The following TMEM117 variants were observed in gnomAD, a reference collection of about 807,000 sequenced individuals.
TMEM117 encodes transmembrane protein 117.
A neutral mutation model predicts 52.4 loss-of-function variants in TMEM117; 27 were observed. The ratio of observed to expected loss-of-function variants is 0.51; its 90% confidence interval spans 0.38 to 0.71. The LOEUF (loss-of-function observed/expected upper bound fraction) is 0.71, where lower values mean the gene tolerates loss of function less well. TMEM117 is among the 30% of genes least tolerant of loss of function. TMEM117 has a pLI of 0.00. For synonymous variants in TMEM117, 215 were observed against 206.3 expected, an observed-to-expected ratio of 1.04 and a Z score of -0.36; for missense variants, 556 against 630.5, an observed-to-expected ratio of 0.88 and a Z score of 1.26.
At chr12:44,209,638 A>G (rs1256074031) in intron 4 of TMEM117, among the ~76,000 whole-genome samples, 1 of 152,276 alleles carries the variant, frequency 6.6e-6, no homozygotes. Context: ...TGTAGGCCCT[A>G]TGTTAGATAG....
chr12:44,107,911 T>G (rs1374403394), intron 3 of TMEM117, among the ~76,000 whole-genome samples: 1 of 152,204 alleles, frequency 6.6e-6, no homozygotes, highest in South Asian at 2.1e-4. Context: ...TGTCCTGCAC[T>G]GAACCAATTG....
At chr12:43,898,651 G>A (rs1944253536) in intron 2 of TMEM117, among the ~76,000 whole-genome samples, 1 of 152,120 alleles carries the variant, frequency 6.6e-6, no homozygotes, top group African/African-American at 2.4e-5. Context: ...CCCCTGCACA[G>A]TTTTCCATGG....
intron 4 of TMEM117, among the ~76,000 whole-genome samples, chr12:44,163,652 A>G (rs1018989692): frequency 6.6e-6 from 1 of 152,194 alleles, no homozygotes; most frequent in East Asian, 1.9e-4. Context: ...TACAGCCAGA[A>G]TGATGATTGG....
At chr12:44,340,121 C>G (rs181173657) in intron 6 of TMEM117, among the ~76,000 whole-genome samples, 1 of 152,038 alleles carries the variant, frequency 6.6e-6, no homozygotes, top group Non-Finnish European at 1.5e-5. Flanking sequence ...TATTTTACAT[C>G]AGTCAGGGAA....
chr12:44,082,135 AC>A (rs1437560421), intron 3 of TMEM117, among the ~76,000 whole-genome samples: 14 of 152,002 alleles, frequency 9.2e-5, no homozygotes, highest in African/African-American at 2.7e-4. Flanking sequence ...TGACATTGAC[AC>A]CATATTAATT....
At chr12:44,238,059 T>C (rs1326040739) in intron 5 of TMEM117, among the ~76,000 whole-genome samples, 3 of 152,208 alleles carry the variant, frequency 2.0e-5, no homozygotes, top group Non-Finnish European at 2.9e-5. Flanking sequence ...AAAGTAATTC[T>C]TTCTTACATA....
intron 3 of TMEM117, among the ~76,000 whole-genome samples, chr12:44,130,137 A>G (rs1469312918): frequency 1.3e-5 from 2 of 152,190 alleles, no homozygotes; most frequent in South Asian, 2.1e-4. Flanking sequence ...ACTTTGTTAT[A>G]CTAATTGGTT....
chr12:43,973,535 T>A (rs1945625514), intron 3 of TMEM117, among the ~76,000 whole-genome samples: 2 of 152,148 alleles, frequency 1.3e-5, no homozygotes, highest in South Asian at 4.1e-4. Flanking sequence ...AACCAAGAAG[T>A]CTTAATTAGG....
intron 3 of TMEM117, among the ~76,000 whole-genome samples, chr12:44,105,954 T>C (rs1231668623): frequency 6.6e-6 from 1 of 152,030 alleles, no homozygotes; most frequent in Non-Finnish European, 1.5e-5. Flanking sequence ...TAAATTTCGG[T>C]ACCTTTCTAT....
rs184663928 is a variant in TMEM117, at chr12:44,036,989, G to C, written c.410+92647G>C. ...TTGATCTTTCATATTGATGGCAGCAGCGGCCCACCTGGAGTGACCGCTGCA... is the reference window on the plus strand; with the variant it reads ...TTGATCTTTCATATTGATGGCAGCACCGGCCCACCTGGAGTGACCGCTGCA... On this transcript the variant is annotated intron_variant, in intron 3 of 7. Transcript: ENST00000266534. Among the ~76,000 whole-genome samples the C allele has an allele frequency of 3.0e-3, 458 of 152,290 alleles. 4 individuals carry two copies. The highest frequency in any genetic ancestry group is 0.01 in the African/African-American group (417 of 41,546).
chr12:44,374,993 T>C (rs1185894409), intron 6 of TMEM117, among the ~76,000 whole-genome samples: 1 of 152,152 alleles, frequency 6.6e-6, no homozygotes, highest in Non-Finnish European at 1.5e-5. Context: ...TTTAGCAAAA[T>C]ACTAAATTCA....
chr12:44,233,988 T>C lies in TMEM117; in HGVS notation c.608+22601T>C, dbSNP rs897690472. On this transcript the variant is annotated intron_variant, in intron 5 of 7. Transcript: ENST00000266534. ...TAGTAATCTTGCATCTTACTCTCCA[T>C]ATATTGCTAGATTCAATTGCCAATA... 3.3e-5 allele frequency among the ~76,000 whole-genome samples: 5 copies of C among 151,552 alleles called. No homozygotes were observed. The South Asian group carries it at 1.0e-3, about 31-fold the overall frequency.
the TMEM117 span, among the ~76,000 whole-genome samples, chr12:43,798,044 T>C: frequency 5.9e-5 from 9 of 152,244 alleles, no homozygotes; most frequent in African/African-American, 2.2e-4. Flanking sequence ...AAGTGAACAT[T>C]TGAATGAGTG....
intron 2 of TMEM117, among the ~76,000 whole-genome samples, chr12:43,888,827 T>C (rs1731425): frequency 0.83 from 126,301 of 152,050 alleles, 54,581 homozygotes; most frequent in Non-Finnish European, 0.94. Flanking sequence ...GGATTACAGG[T>C]GTGAGCCACC....
chr12:44,311,197 A>G (rs181965231), intron 6 of TMEM117, among the ~76,000 whole-genome samples: 174 of 152,242 alleles, frequency 1.1e-3, no homozygotes, highest in African/African-American at 3.9e-3. Context: ...ATATATGTAT[A>G]TACATATATG....
intron 2 of TMEM117, among the ~76,000 whole-genome samples, chr12:43,891,552 G>A (rs71455464): frequency 2.6e-5 from 4 of 151,048 alleles, no homozygotes; most frequent in Non-Finnish European, 5.9e-5. Context: ...TTTTTTAGTA[G>A]AGACAGGGTT....
At chr12:44,396,533 A>C in the TMEM117 span, among the ~76,000 whole-genome samples, 1 of 152,144 alleles carries the variant, frequency 6.6e-6, no homozygotes, top group Non-Finnish European at 1.5e-5. Flanking sequence ...GAATAACTAC[A>C]TATTAAGTGA....
chr12:44,234,828 T>C (rs1017784944), intron 5 of TMEM117, among the ~76,000 whole-genome samples: 3 of 151,520 alleles, frequency 2.0e-5, no homozygotes, highest in Non-Finnish European at 4.4e-5. Flanking sequence ...AATTTCAACA[T>C]TTTGAAATTT....
chr12:43,855,899 G>T (rs1443412356), intron 2 of TMEM117, among the ~76,000 whole-genome samples: 1 of 152,134 alleles, frequency 6.6e-6, no homozygotes, highest in Non-Finnish European at 1.5e-5. Flanking sequence ...CATGGTCAAG[G>T]TAGTCATGGT....
Sources: allele counts gnomAD v4.1 joint callset (sites outside exome capture counted in the v4.1 genomes callset), GRCh38; gene constraint gnomAD v4.1.1; transcripts MANE v1.5; gene names NCBI Gene and HGNC (gene_info 2026-07-23, HGNC 2026-07-21).